Variants in ESR1 observed in about 807,000 individuals in gnomAD.
ESR1 encodes estrogen receptor 1, also known as estrogen receptor.
A neutral mutation model predicts 52.7 loss-of-function variants in ESR1; 12 were observed. The observed-to-expected ratio is 0.23, with a 90% CI of 0.15 to 0.37. The LOEUF (loss-of-function observed/expected upper bound fraction) is 0.37. Among genes scored for constraint, ESR1 ranks in the 10% least tolerant of loss-of-function variants. The pLI is 1.00. For synonymous variants in ESR1, 305 were observed against 316.8 expected (o/e 0.96, Z 0.39); for missense variants, 584 against 779.7 (o/e 0.75, Z 2.99).
At position 151,962,578 on chromosome 6, in the gene ESR1, A is replaced by G. The variant is rs2037793796; in HGVS notation, c.1096+18070A>G. Among the ~76,000 whole-genome samples the G allele has an allele frequency of 3.3e-5, 5 of 152,218 alleles. No individual in the cohort carries two copies. In the South Asian group the frequency reaches 1.0e-3, roughly 31 times the overall value. ...TTTCTTTCCCTTACAAACCACAACC[A>G]CAACCAAGGGAAAAACCAAACCAAA... is the stretch of plus-strand genomic sequence containing the variant. On this transcript the variant is annotated intron_variant, in intron 4 of 7. Transcript: ENST00000206249.
intron 3 of ESR1, among the ~76,000 whole-genome samples, chr6:151,900,590 T>C (rs1165774128): frequency 6.6e-6 from 1 of 152,208 alleles, no homozygotes. Flanking sequence ...AGGGAAGTAC[T>C]AGGGCTCAAG....
rs1231119847 is a variant in ESR1 at position 152,102,612 on chromosome 6, G to A, written c.*3646G>A. 9.1e-6 allele frequency: 2 copies of A among 220,194 alleles called. No individual in the cohort carries two copies. Among genetic ancestry groups the A allele is most frequent in the Non-Finnish European group, 1.8e-5 (2 of 109,926 alleles). The allele number at this position is 220,194 out of a possible 1,614,324, so 13.6% of individuals were successfully genotyped here. A position where few individuals can be genotyped will look rare whatever the true frequency, so the allele number is the denominator to read the frequency against. ...CCCAAATATCCATCTTTTCAGTAGC[G>A]TTAATTATGCTCTGTTTCCAACTGC... On this transcript the variant is annotated 3_prime_UTR_variant, in exon 8 of 8. Coordinates refer to ENST00000206249, the MANE Select transcript of ESR1 (RefSeq NM_000125.4).
chr6:151,808,249 C>A lies in ESR1; in HGVS notation c.337C>A (p.Pro113Thr). The A allele has an allele frequency of 6.3e-7, 1 of 1,577,928 alleles. No individual in the cohort carries two copies. The highest frequency in any genetic ancestry group is 8.6e-7 in the Non-Finnish European group (1 of 1,162,372). The change falls in exon 1 of 8, where the codon CCG (proline) becomes ACG (threonine). Residue 113 changes from proline (P) to threonine (T), a missense_variant. By Grantham distance (38) the Pro-to-Thr change is conservative (BLOSUM62 -1). Transcript: ENST00000206249. ...TCCGAGCCCGCTGATGCTACTGCAC[C>A]CGCCGCCGCAGCTGTCGCCTTTCCT... ...VSPSPLMLLH[P>T]PPQLSPFLQP...
chr6:151,895,091 G>A (rs918740484), intron 3 of ESR1, among the ~76,000 whole-genome samples: 1 of 148,104 alleles, frequency 6.8e-6, no homozygotes, highest in East Asian at 2.0e-4. Context: ...AGTTTTCTTT[G>A]TAGAGGTCCT....
intron 2 of ESR1, among the ~76,000 whole-genome samples, chr6:151,850,095 T>A (rs1268322078): frequency 7.3e-5 from 9 of 122,732 alleles, no homozygotes; most frequent in Admixed American, 3.8e-4. Context: ...TATATATAAT[T>A]TTATATATAT....
At chr6:151,917,167 T>C (rs978555560) in intron 3 of ESR1, among the ~76,000 whole-genome samples, 1 of 152,094 alleles carries the variant, frequency 6.6e-6, no homozygotes, top group Admixed American at 6.6e-5. Context: ...AAAGAAGAGA[T>C]CCATGGCAAA....
chr6:151,935,238 G>A (rs944084309), intron 3 of ESR1, among the ~76,000 whole-genome samples: 31 of 152,300 alleles, frequency 2.0e-4, no homozygotes, highest in African/African-American at 6.7e-4. Context: ...ATTACTGATT[G>A]CAAGCAAGAC....
chr6:151,825,293 G>A (rs1781293197), intron 1 of ESR1, among the ~76,000 whole-genome samples: 2 of 152,140 alleles, frequency 1.3e-5, no homozygotes, highest in African/African-American at 2.4e-5. Flanking sequence ...TGGTTACAGC[G>A]GGCTTGTGGG....
At chr6:151,838,757 C>CT (rs1783809089) in intron 1 of ESR1, among the ~76,000 whole-genome samples, 1 of 152,042 alleles carries the variant, frequency 6.6e-6, no homozygotes, top group South Asian at 2.1e-4. Context: ...AAAAAAGTTC[C>CT]TTTATGGTTA....
At chr6:151,705,540 C>T (rs957196869) in intron 2 of ESR1, among the ~76,000 whole-genome samples, 5 of 152,126 alleles carry the variant, frequency 3.3e-5, no homozygotes, top group African/African-American at 1.2e-4. Context: ...CATGAATAAT[C>T]AAGAACTGAC....
intron 6 of ESR1, among the ~76,000 whole-genome samples, chr6:152,091,825 G>A (rs1032005087): frequency 4.6e-5 from 7 of 152,178 alleles, no homozygotes; most frequent in African/African-American, 1.7e-4. Context: ...TCTCCATTCT[G>A]TGATTTCCTT....
chr6:151,678,460 G>A (rs896565692), intron 1 of ESR1, among the ~76,000 whole-genome samples: 14 of 150,298 alleles, frequency 9.3e-5, no homozygotes, highest in Admixed American at 6.6e-4. Flanking sequence ...GCAACAAAGC[G>A]AGACTCCATA....
chr6:151,986,482 A>G (rs1562634573), intron 4 of ESR1, among the ~76,000 whole-genome samples: 1 of 152,088 alleles, frequency 6.6e-6, no homozygotes, highest in Non-Finnish European at 1.5e-5. Flanking sequence ...CTTGGTATGG[A>G]GAAAGCAGTT....
intron 1 of ESR1, among the ~76,000 whole-genome samples, chr6:151,662,824 G>A (rs141076152): frequency 6.6e-6 from 1 of 152,284 alleles, no homozygotes; most frequent in East Asian, 1.9e-4. Flanking sequence ...ATTAAACGAA[G>A]AATTTTGTTT....
At chr6:151,990,775 A>T (rs537807010) in intron 4 of ESR1, among the ~76,000 whole-genome samples, 2 of 152,334 alleles carry the variant, frequency 1.3e-5, no homozygotes, top group South Asian at 4.1e-4. Flanking sequence ...GCAATGTAGC[A>T]TCCTGTGACT....
chr6:151,670,595 T>C (rs1042112323), intron 1 of ESR1, among the ~76,000 whole-genome samples: 4 of 151,076 alleles, frequency 2.6e-5, no homozygotes, highest in African/African-American at 7.4e-5. Context: ...TAAAAAAAAA[T>C]TTTTTTTTGA....
At chr6:151,849,011 C>T (rs151337062) in intron 2 of ESR1, among the ~76,000 whole-genome samples, 68 of 152,200 alleles carry the variant, frequency 4.5e-4, no homozygotes, top group Admixed American at 7.2e-4. Flanking sequence ...GATCTCAGCA[C>T]ATGTGGTTCC....
intron 4 of ESR1, among the ~76,000 whole-genome samples, chr6:151,993,983 A>G (rs1440544838): frequency 6.6e-6 from 1 of 152,188 alleles, no homozygotes; most frequent in Non-Finnish European, 1.5e-5. Flanking sequence ...CTTCTAGAAT[A>G]CAGTCTCTAT....
intron 5 of ESR1, among the ~76,000 whole-genome samples, chr6:152,036,756 C>T (rs1331393054): frequency 6.6e-6 from 1 of 152,198 alleles, no homozygotes; most frequent in Non-Finnish European, 1.5e-5. Flanking sequence ...GTAATTACAA[C>T]ACAATAAGAC....
Sources: allele counts gnomAD v4.1 joint callset (sites outside exome capture counted in the v4.1 genomes callset), GRCh38; gene constraint gnomAD v4.1.1; transcripts MANE v1.5; gene names NCBI Gene and HGNC (gene_info 2026-07-23, HGNC 2026-07-21).